Variants in GALNT16 observed in about 807,000 individuals in gnomAD.
The protein encoded by GALNT16 is polypeptide N-acetylgalactosaminyltransferase 16.
Under a neutral mutation model 76.1 loss-of-function variants are expected in GALNT16, and 40 were observed. That is an observed-to-expected ratio of 0.53 (90% CI 0.41 to 0.68). The LOEUF is 0.68. Among genes scored for constraint, GALNT16 ranks in the 30% least tolerant of loss-of-function variants. GALNT16 has a pLI of 0.00. For missense variants in GALNT16, 621 were observed against 731.9 expected (o/e 0.85, Z 1.75); for synonymous variants, 276 against 285.2 (o/e 0.97, Z 0.32).
intron 2 of GALNT16, among the ~76,000 whole-genome samples, chr14:69,322,982 G>GCGCA (rs2045222239): frequency 2.8e-5 from 1 of 35,544 alleles, no homozygotes; most frequent in Non-Finnish European, 5.3e-5. Context: ...GTGTGTGTGT[G>GCGCA]CGCGCGCACG....
At chr14:69,380,474 T>C in the GALNT16 span, 1 of 895,006 alleles carries the variant, frequency 1.1e-6, no homozygotes, top group South Asian at 1.4e-5. Context: ...AAACTTCCAC[T>C]ACAGCACGCT....
chr14:69,328,651 T>C (rs2045316222), intron 6 of GALNT16, 80 bp downstream of exon 6: 2 of 1,446,476 alleles, frequency 1.4e-6, no homozygotes, highest in African/African-American at 1.4e-5. Flanking sequence ...TATGGGACAG[T>C]ATTTGAAGCT....
At chr14:69,322,788 G>A (rs2045207276) in intron 2 of GALNT16, among the ~76,000 whole-genome samples, 1 of 152,126 alleles carries the variant, frequency 6.6e-6, no homozygotes, top group South Asian at 2.1e-4. Flanking sequence ...CTACTCGGGA[G>A]GCTAAGGCAG....
In GALNT16 at chr14:69,339,616, G is replaced by A. The variant is rs2045460089; in HGVS notation, c.1184G>A (p.Gly395Asp). The A allele has an allele frequency of 6.3e-7, 1 of 1,588,500 alleles. No individual in the cohort carries two copies. The highest frequency in any genetic ancestry group is 1.1e-5 in the South Asian group (1 of 88,552). The change falls in exon 11 of 15, where the codon GGC becomes GAC. Residue 395 changes from glycine (G) to aspartate (D), a missense_variant. Physicochemically the swap from Gly to Asp is moderately conservative, Grantham distance 94 (BLOSUM62 -1). Transcript: ENST00000448469. ...ARPSAIGKAF[G>D]SVATRIEQRK... The stretch of plus-strand genomic sequence containing the variant: ...CCCTCGGCCATCGGGAAGGCCTTCG[G>A]CAGGTGGGCCCCCCCAGCTCCACTG...
intron 14 of GALNT16, 87 bp downstream of exon 14, chr14:69,348,089 T>C (rs1239966443): frequency 7.2e-7 from 1 of 1,382,444 alleles, no homozygotes; most frequent in African/African-American, 1.4e-5. Context: ...GAGCCCCTGA[T>C]TGACTCAAAT....
intron 1 of GALNT16, among the ~76,000 whole-genome samples, chr14:69,316,203 C>A (rs566616940): frequency 6.6e-6 from 1 of 152,290 alleles, no homozygotes; most frequent in African/African-American, 2.4e-5. Flanking sequence ...AACTACCATA[C>A]GCCGGCTTGG....
At chr14:69,367,584 G>C in the GALNT16 span, among the ~76,000 whole-genome samples, 1 of 149,608 alleles carries the variant, frequency 6.7e-6, no homozygotes, top group South Asian at 2.1e-4. Flanking sequence ...CGTTGTAACA[G>C]CATGAACAAA....
chr14:69,305,438 T>A (rs187382000), intron 1 of GALNT16, among the ~76,000 whole-genome samples: 11 of 152,294 alleles, frequency 7.2e-5, no homozygotes, highest in Non-Finnish European at 1.6e-4. Flanking sequence ...GCTGGGATTA[T>A]AGGTGTGAGC....
At chr14:69,263,635 T>C (rs1412579288) in intron 1 of GALNT16, among the ~76,000 whole-genome samples, 1 of 152,246 alleles carries the variant, frequency 6.6e-6, no homozygotes, top group African/African-American at 2.4e-5. Flanking sequence ...GTCTGGACTA[T>C]TTGAAGCCAG....
chr14:69,269,597 T>G (rs559062984), intron 1 of GALNT16, among the ~76,000 whole-genome samples: 1 of 150,348 alleles, frequency 6.7e-6, no homozygotes, highest in South Asian at 2.1e-4. Flanking sequence ...GTGGGGTTTG[T>G]ATGTATGTGT....
intron 1 of GALNT16, among the ~76,000 whole-genome samples, chr14:69,296,808 G>T (rs1187657134): frequency 1.9e-4 from 4 of 20,968 alleles, no homozygotes; most frequent in African/African-American, 1.3e-3. Context: ...GATAGAGCTA[G>T]ATAGATAGAT....
downstream of GALNT16, among the ~76,000 whole-genome samples, chr14:69,361,939 G>A (rs182257544): frequency 9.9e-3 from 1,505 of 152,268 alleles, 14 homozygotes; most frequent in Non-Finnish European, 0.016. Context: ...CCTGGGAGGC[G>A]GAGACTGCAG....
In GALNT16 at chr14:69,260,442, G is replaced by A. The variant is rs1283511439; in HGVS notation, c.152G>A (p.Arg51His). Residue 51 changes from arginine to histidine, a missense_variant, in exon 1 of 15, where the codon CGC becomes CAC. Transcript: ENST00000448469. ...QRAGRRSEQL[R>H]EDRTIPLIVT... ...GCAGGCAGGAGGTCGGAGCAGCTCC[G>A]CGAGGACCGCACCATCCCGCTCATT... The A allele has an allele frequency of 6.4e-7, 1 of 1,569,744 alleles. No homozygotes were observed. The highest frequency in any genetic ancestry group is 1.4e-5 in the African/African-American group (1 of 73,476).
chr14:69,380,531 A>G, the GALNT16 span: 1 of 1,354,872 alleles, frequency 7.4e-7, no homozygotes. Flanking sequence ...CAGTGCTTCC[A>G]ACACAATTAT....
chr14:69,320,261 G>C (rs2045158206), intron 1 of GALNT16, among the ~76,000 whole-genome samples: 1 of 152,238 alleles, frequency 6.6e-6, no homozygotes, highest in Non-Finnish European at 1.5e-5. Context: ...TTGGGAGGCT[G>C]AGGTGGGTGG....
chr14:69,373,019 A>G, the GALNT16 span, among the ~76,000 whole-genome samples: 1 of 152,208 alleles, frequency 6.6e-6, no homozygotes, highest in Non-Finnish European at 1.5e-5. Context: ...CAGGTCTCTG[A>G]GCTCACTGAC....
At chr14:69,373,727 CTCT>C in the GALNT16 span, among the ~76,000 whole-genome samples, 260 of 151,300 alleles carry the variant, frequency 1.7e-3, 1 homozygote, top group African/African-American at 6.0e-3. Context: ...TTTTTTCTTT[CTCT>C]TCTTTTTCTT....
the GALNT16 span, among the ~76,000 whole-genome samples, chr14:69,367,757 TG>T: frequency 1.6e-5 from 1 of 63,618 alleles, no homozygotes; most frequent in African/African-American, 5.9e-5. Context: ...TGGGGCAGGG[TG>T]GGGGGGAACT....
At position 69,261,567 on chromosome 14, in the gene GALNT16, GA is replaced by G. The variant is rs2044273434; in HGVS notation, c.177+1103del. Among the ~76,000 whole-genome samples, 1 of 151,388 alleles carries G rather than the reference GA, an allele frequency of 6.6e-6. No homozygotes were observed. Among genetic ancestry groups the G allele is most frequent in the Non-Finnish European group, 1.5e-5 (1 of 67,834 alleles). On this transcript the variant is annotated intron_variant, in intron 1 of 14. Transcript: ENST00000448469. This position sits in a 1 kb window ranked among gnomAD's most constrained non-coding sequence, Gnocchi z 6.4. ...GAGGAAGCGTGGCGATTCCGACAAG[GA>G]AAGATCTGGGCCTGGGGGTGGAGGG... is the stretch of plus-strand genomic sequence containing the variant.
Sources: allele counts gnomAD v4.1 joint callset (sites outside exome capture counted in the v4.1 genomes callset), GRCh38; gene constraint gnomAD v4.1.1; non-coding constraint Gnocchi (gnomAD v3.1); transcripts MANE v1.5; gene names NCBI Gene and HGNC (gene_info 2026-07-23, HGNC 2026-07-21).